Variants in ADCY10 observed in about 807,000 individuals in gnomAD.
The protein encoded by ADCY10 is adenylate cyclase type 10.
ADCY10 carries 156 observed loss-of-function variants against 183.3 expected under a neutral mutation model. The observed-to-expected ratio is 0.85, with a 90% confidence interval of 0.75 to 0.97. ADCY10 has a LOEUF of 0.97. Ranked by LOEUF, ADCY10 falls within the 50% of genes least tolerant of loss-of-function variation. ADCY10 has a pLI of 0.00. For missense variants in ADCY10, 1,745 were observed against 1,934.3 expected, an observed-to-expected ratio of 0.90 and a Z score of 1.84; for synonymous variants, 645 against 670.0, an observed-to-expected ratio of 0.96 and a Z score of 0.58.
At chr1:167,912,781 C>T (rs1670234889) in intron 1 of ADCY10, among the ~76,000 whole-genome samples, 1 of 152,198 alleles carries the variant, frequency 6.6e-6, no homozygotes. Context: ...CTTGGTGTTC[C>T]TCCACTCATC....
At chr1:167,870,659 A>T (rs971764280) in intron 13 of ADCY10, among the ~76,000 whole-genome samples, 2 of 150,634 alleles carry the variant, frequency 1.3e-5, no homozygotes, top group African/African-American at 2.4e-5. Flanking sequence ...AAAAAAAAAA[A>T]TTAGCCAGAC....
intron 8 of ADCY10, among the ~76,000 whole-genome samples, chr1:167,886,727 C>G (rs968301995): frequency 2.6e-5 from 4 of 152,156 alleles, no homozygotes; most frequent in Non-Finnish European, 5.9e-5. Context: ...AGCTTCTGAA[C>G]AGCAAAAGAA....
chr1:167,909,172 G>C (rs915362051), intron 1 of ADCY10, among the ~76,000 whole-genome samples: 1 of 152,032 alleles, frequency 6.6e-6, no homozygotes, highest in Non-Finnish European at 1.5e-5. Context: ...TACATATTTT[G>C]TGTTTGTGAT....
intron 31 of ADCY10, among the ~76,000 whole-genome samples, chr1:167,817,507 G>A (rs1325540893): frequency 6.6e-6 from 1 of 152,164 alleles, no homozygotes; most frequent in Admixed American, 6.5e-5. Flanking sequence ...TATTCTCTTG[G>A]GGGCTTGCCC....
intron 14 of ADCY10, among the ~76,000 whole-genome samples, chr1:167,861,453 A>T (rs905495239): frequency 1.3e-5 from 2 of 152,172 alleles, no homozygotes; most frequent in Non-Finnish European, 2.9e-5. Context: ...CTCTCTGCCT[A>T]GCAATCTACC....
intron 2 of ADCY10, chr1:167,904,487 G>A (rs1669681481): frequency 4.5e-6 from 1 of 220,140 alleles, no homozygotes; most frequent in African/African-American, 2.3e-5. Flanking sequence ...TAGGGGTCAG[G>A]AAAAGGCTCC....
chr1:167,828,852 C>T (rs752914714), intron 26 of ADCY10, among the ~76,000 whole-genome samples: 111 of 152,138 alleles, frequency 7.3e-4, no homozygotes, highest in South Asian at 1.2e-3. Context: ...GTCCCAGCTA[C>T]TCAGGAGGAT....
intron 31 of ADCY10, among the ~76,000 whole-genome samples, chr1:167,817,173 G>A (rs1371211631): frequency 6.6e-6 from 1 of 152,138 alleles, no homozygotes; most frequent in Non-Finnish European, 1.5e-5. Context: ...AGACCAGCCT[G>A]GCTAATGTGG....
chr1:167,822,974 C>G, intron 29 of ADCY10, 34 bp downstream of exon 29: 1 of 1,589,960 alleles, frequency 6.3e-7, no homozygotes, highest in Non-Finnish European at 8.6e-7. Context: ...TATCAACACC[C>G]CCAAGTTCTT....
In ADCY10 at chr1:167,824,476, C is replaced by G. The variant is rs1233065216; in HGVS notation, c.4052G>C (p.Arg1351Thr). The G allele has an allele frequency of 6.2e-7, 1 of 1,613,794 alleles. No homozygotes were observed. ...RLSRCLLLNS[R>T]YPQLIQVLGR... The stretch of plus-strand genomic sequence containing the variant: ...TTGGAAAATGCTTTAAGATAAATAC[C>G]TGCTGTTCAGAAGGAGACATCTGCT... The change falls in exon 28 of 33, where the codon AGA becomes ACA. Residue 1351 changes from arginine (R) to threonine (T), a missense_variant and splice_region_variant. Coordinates refer to ENST00000367851, the MANE Select transcript of ADCY10 (RefSeq NM_018417.6).
intron 8 of ADCY10, among the ~76,000 whole-genome samples, chr1:167,892,360 T>C (rs1668657186): frequency 6.6e-6 from 1 of 152,200 alleles, no homozygotes; most frequent in Non-Finnish European, 1.5e-5. Context: ...TACGGTATCT[T>C]TAAGGACTTC....
chr1:167,899,976 G>T (rs931940106), intron 5 of ADCY10, among the ~76,000 whole-genome samples: 11 of 152,116 alleles, frequency 7.2e-5, no homozygotes, highest in African/African-American at 2.7e-4. Flanking sequence ...GGGAGAATTT[G>T]CATTTTAGCA....
chr1:167,845,443 C>G, intron 21 of ADCY10, 120 bp downstream of exon 21: 1 of 1,043,474 alleles, frequency 9.6e-7, no homozygotes, highest in Non-Finnish European at 1.4e-6. Context: ...TCTCATCATT[C>G]TTTGTGCCCA....
intron 31 of ADCY10, among the ~76,000 whole-genome samples, chr1:167,817,422 A>G (rs577325799): frequency 6.6e-6 from 1 of 152,278 alleles, no homozygotes; most frequent in African/African-American, 2.4e-5. Flanking sequence ...GAGCAATAGA[A>G]AACTAGTACA....
intron 30 of ADCY10, chr1:167,820,484 TCTC>T (rs1482079459): frequency 1.0e-5 from 4 of 397,242 alleles, no homozygotes; most frequent in East Asian, 7.2e-5. Flanking sequence ...TTTAAAAAAT[TCTC>T]CTGCTGAGAT....
chr1:167,850,764 T>A (rs1665423477), intron 18 of ADCY10, among the ~76,000 whole-genome samples: 1 of 151,704 alleles, frequency 6.6e-6, no homozygotes, highest in Non-Finnish European at 1.5e-5. Context: ...ATTTTATGCT[T>A]ATTTCCCCTT....
chr1:167,904,942 A>T, intron 2 of ADCY10, 51 bp downstream of exon 2: 1 of 1,613,842 alleles, frequency 6.2e-7, no homozygotes, highest in Admixed American at 1.7e-5. Flanking sequence ...GTGAATTCCC[A>T]CGCGAGCCTG....
At chr1:167,820,419 C>T in intron 30 of ADCY10, 1 of 520,288 alleles carries the variant, frequency 1.9e-6, no homozygotes, top group Non-Finnish European at 3.3e-6. Flanking sequence ...GACTGCCCTC[C>T]AGGTGATTTT....
At chr1:167,836,970 A>G (rs1319073116) in intron 22 of ADCY10, 4 of 423,214 alleles carry the variant, frequency 9.5e-6, no homozygotes, top group Non-Finnish European at 1.7e-5. Context: ...GGTTGCAGTG[A>G]GCTGAGATTG....
Sources: allele counts gnomAD v4.1 joint callset (sites outside exome capture counted in the v4.1 genomes callset), GRCh38; gene constraint gnomAD v4.1.1; transcripts MANE v1.5; gene names NCBI Gene and HGNC (gene_info 2026-07-23, HGNC 2026-07-21).